The following PIR variants were observed in gnomAD, a reference collection of about 807,000 sequenced individuals.
PIR encodes pirin (iron-binding nuclear protein).
PIR carries 22 observed loss-of-function variants against 24.2 expected under a neutral mutation model. The ratio of observed to expected loss-of-function variants is 0.91; its 90% confidence interval spans 0.65 to 1.30. PIR has a LOEUF of 1.30. PIR is among the 50% of genes most tolerant of loss of function. The pLI, the probability that PIR is intolerant of heterozygous loss-of-function variation, is 0.00. For missense variants in PIR, 220 were observed against 220.3 expected, an observed-to-expected ratio of 1.00 and a Z score of 0.01; for synonymous variants, 80 against 79.6, an observed-to-expected ratio of 1.00 and a Z score of -0.03.
At chrX:15,470,600 C>CTTTTTTTTT (rs1185040119) in intron 3 of PIR, among the ~76,000 whole-genome samples, 4 of 45,105 alleles carry the variant, frequency 8.9e-5, no homozygotes, top group Non-Finnish European at 9.6e-5. Flanking sequence ...TTCTTTCTTT[C>CTTTTTTTTT]TTTTTTTTTT....
In PIR at chrX:15,398,660, A is replaced by AG. The variant is rs1432646730; in HGVS notation, c.611-1130dup. On this transcript the variant is annotated intron_variant, in intron 7 of 9. Transcript: ENST00000380420. Reference sequence around the variant, plus strand: ...ATCTGTATAAAATTGACAGCCCTTGAGGAGGGAGGGTGTGTGTGTGTGTGT... The same window carrying AG: ...ATCTGTATAAAATTGACAGCCCTTGAGGGAGGGAGGGTGTGTGTGTGTGTGT... 2.0e-3 allele frequency among the ~76,000 whole-genome samples: 164 copies of AG among 80,903 alleles called. 2 individuals are homozygous for AG. Among genetic ancestry groups the AG allele is most frequent in the African/African-American group, 7.5e-3 (157 of 20,963 alleles). The allele number at this position is 80,903 out of a possible 115,157, so 70.3% of individuals were successfully genotyped here. A position where few individuals can be genotyped will look rare whatever the true frequency, so the allele number is the denominator to read the frequency against.
At chrX:15,418,294 A>G (rs971084303) in intron 6 of PIR, among the ~76,000 whole-genome samples, 1 of 111,602 alleles carries the variant, frequency 9.0e-6, no homozygotes, top group African/African-American at 3.3e-5. Context: ...TGAGGACAAG[A>G]AGGCACATGT....
chrX:15,436,228 A>G (rs983104778), intron 5 of PIR, among the ~76,000 whole-genome samples: 3 of 112,347 alleles, frequency 2.7e-5, no homozygotes. Flanking sequence ...TTCAGTCTAT[A>G]GTATTCTTTT....
chrX:15,437,675 A>G, intron 5 of PIR, among the ~76,000 whole-genome samples: 1 of 112,664 alleles, frequency 8.9e-6, no homozygotes, highest in Middle Eastern at 4.6e-3. Flanking sequence ...CTGTGAAACT[A>G]TTCCCAACAT....
intron 2 of PIR, among the ~76,000 whole-genome samples, chrX:15,488,522 GT>G (rs1569213689): frequency 9.0e-6 from 1 of 110,957 alleles, no homozygotes; most frequent in South Asian, 3.7e-4. Context: ...TTAAAATGAT[GT>G]TTATGAAGAA....
intron 7 of PIR, among the ~76,000 whole-genome samples, chrX:15,401,361 T>C (rs1410914037): frequency 9.1e-6 from 1 of 110,049 alleles, no homozygotes; most frequent in Non-Finnish European, 1.9e-5. Flanking sequence ...CTAACCAAGG[T>C]AAACCTTTCT....
Position 15,385,121 on chromosome X carries a change from G to A in PIR, c.761-5C>T. On this transcript the variant is annotated splice_polypyrimidine_tract_variant and splice_region_variant and intron_variant, in intron 9 of 9. Coordinates refer to ENST00000380420, the MANE Select transcript of PIR (RefSeq NM_001018109.3). ...TGGTGTTCATCACAAATGGACCTAG[G>A]GCAGAAAGAGACATTCAGAAAGTTC... The A allele has an allele frequency of 9.9e-7, 1 of 1,015,072 alleles. No individual in the cohort carries two copies. The highest frequency in any genetic ancestry group is 3.1e-5 in the East Asian group (1 of 32,067). The allele number at this position is 1,015,072 out of a possible 1,213,427, so 83.7% of individuals were successfully genotyped here.
chrX:15,484,842 T>C (rs1922724156), intron 2 of PIR, among the ~76,000 whole-genome samples: 1 of 112,406 alleles, frequency 8.9e-6, no homozygotes, highest in Non-Finnish European at 1.9e-5. Flanking sequence ...TAGCTGATGC[T>C]ATTTGTACAC....
At chrX:15,488,278 CAAAAAAAAAAA>C (rs1184870069) in intron 2 of PIR, among the ~76,000 whole-genome samples, 1 of 31,918 alleles carries the variant, frequency 3.1e-5, no homozygotes, top group Non-Finnish European at 6.4e-5. Flanking sequence ...AACTCCGTCT[CAAAAAAAAAAA>C]AAAAAAAAAA....
intron 5 of PIR, among the ~76,000 whole-genome samples, chrX:15,434,294 A>G (rs1396260604): frequency 6.8e-5 from 7 of 102,464 alleles, no homozygotes; most frequent in Admixed American, 2.1e-4. Flanking sequence ...GAGAAAGAAG[A>G]AGGAGATAGA....
At chrX:15,439,626 A>G (rs1925851406) in intron 5 of PIR, among the ~76,000 whole-genome samples, 1 of 112,202 alleles carries the variant, frequency 8.9e-6, no homozygotes, top group African/African-American at 3.2e-5. Context: ...GAAAAGATAG[A>G]TAAGGGAAAA....
chrX:15,386,717 G>C (rs967584208), intron 9 of PIR, among the ~76,000 whole-genome samples: 6 of 111,018 alleles, frequency 5.4e-5, no homozygotes, highest in African/African-American at 2.0e-4. Context: ...GAGGAATACT[G>C]GAGGGGATAG....
At position 15,460,022 on chromosome X, in the gene PIR, G is replaced by A. The variant is rs183441307; in HGVS notation, c.190-282C>T. Among the ~76,000 whole-genome samples, 4 of 111,015 alleles carry A rather than the reference G, an allele frequency of 3.6e-5. No individual in the cohort carries two copies. The East Asian group carries it at 1.1e-3, about 31-fold the overall frequency. On this transcript the variant is annotated intron_variant, in intron 3 of 9. Transcript: ENST00000380420. ...AGGTAGTCAACATTGTCAGAAAAAT[G>A]CAAATGAAAGCTACAATGAGATATC...
intron 7 of PIR, among the ~76,000 whole-genome samples, chrX:15,403,800 G>A (rs770371973): frequency 1.8e-5 from 2 of 111,190 alleles, no homozygotes; most frequent in East Asian, 5.6e-4. Context: ...CATAAAGTGA[G>A]TACTTTCAGA....
At chrX:15,393,848 T>C (rs1358110969) in intron 8 of PIR, among the ~76,000 whole-genome samples, 1 of 105,845 alleles carries the variant, frequency 9.4e-6, no homozygotes, top group Non-Finnish European at 1.9e-5. Context: ...CAACCCCGGA[T>C]GGGACCATCT....
At chrX:15,443,562 C>CA in intron 5 of PIR, among the ~76,000 whole-genome samples, 1 of 111,210 alleles carries the variant, frequency 9.0e-6, no homozygotes, top group East Asian at 2.8e-4. Flanking sequence ...TTATTAATTA[C>CA]AAGCATAATA....
chrX:15,464,779 A>G (rs765406165), intron 3 of PIR, among the ~76,000 whole-genome samples: 24 of 112,494 alleles, frequency 2.1e-4, no homozygotes, highest in African/African-American at 7.4e-4. Flanking sequence ...CTGCACATGC[A>G]TTTTTAATTA....
intron 5 of PIR, among the ~76,000 whole-genome samples, chrX:15,430,177 T>C (rs1418123298): frequency 8.9e-6 from 1 of 111,833 alleles, no homozygotes; most frequent in African/African-American, 3.3e-5. Context: ...CGTTGCAGCA[T>C]GCACAGAGCT....
intron 6 of PIR, among the ~76,000 whole-genome samples, chrX:15,416,042 T>A (rs1228365907): frequency 1.8e-5 from 2 of 110,297 alleles, no homozygotes; most frequent in African/African-American, 3.3e-5. Flanking sequence ...GTATTCAGAA[T>A]ATATAAAGAG....
Sources: gnomAD v4.1 joint callset for allele counts (sites outside exome capture counted in the v4.1 genomes callset) on GRCh38, gnomAD v4.1.1 for gene constraint, MANE v1.5 for transcripts, NCBI Gene and HGNC (gene_info 2026-07-23, HGNC 2026-07-21) for gene names.